ELN: variants seen among roughly 807,000 people sequenced by gnomAD.
The protein encoded by ELN is tropoelastin.
Under a neutral mutation model 105.8 loss-of-function variants are expected in ELN, and 65 were observed. That is an observed-to-expected ratio of 0.61 (90% CI 0.50 to 0.75). ELN has a LOEUF of 0.75. ELN is among the 30% of genes least tolerant of loss of function. ELN has a pLI of 0.00. For missense variants in ELN, 882 were observed against 969.4 expected (o/e 0.91, Z 1.20); for synonymous variants, 368 against 389.2 (o/e 0.95, Z 0.64).
At chr7:74,061,722 C>T (rs1796719259) in intron 26 of ELN, among the ~76,000 whole-genome samples, 1 of 152,136 alleles carries the variant, frequency 6.6e-6, no homozygotes, top group South Asian at 2.1e-4. Context: ...AAAAACCTGG[C>T]CCCTGCCCAC....
chr7:74,029,307 AGTGGATCCT>A (rs1788135690), intron 1 of ELN, among the ~76,000 whole-genome samples: 1 of 152,032 alleles, frequency 6.6e-6, no homozygotes, highest in African/African-American at 2.4e-5. Context: ...CAGAGGCTGG[AGTGGATCCT>A]GGGGCACTGC....
At chr7:74,034,743 G>A (rs939679620) in intron 1 of ELN, among the ~76,000 whole-genome samples, 4 of 151,752 alleles carry the variant, frequency 2.6e-5, no homozygotes, top group Non-Finnish European at 4.4e-5. Flanking sequence ...TCCAGGCCCC[G>A]TCTCTTTCCA....
intron 4 of ELN, 62 bp downstream of exon 4, chr7:74,037,801 C>T (rs1300274514): frequency 3.8e-6 from 6 of 1,588,522 alleles, no homozygotes; most frequent in Non-Finnish European, 5.1e-6. Flanking sequence ...GAGGAGCCTA[C>T]CCAGCTGGGA....
chr7:74,067,944 A>G (rs1338705185), intron 32 of ELN, among the ~76,000 whole-genome samples: 1 of 149,444 alleles, frequency 6.7e-6, no homozygotes, highest in Non-Finnish European at 1.5e-5. Flanking sequence ...AAAAAAAAAA[A>G]AAAAAAAAAA....
At chr7:74,028,762 C>T (rs1788008590) in intron 1 of ELN, among the ~76,000 whole-genome samples, 1 of 152,204 alleles carries the variant, frequency 6.6e-6, no homozygotes, top group Non-Finnish European at 1.5e-5. Flanking sequence ...CGGGATCCCC[C>T]CGTCAGGAAG....
At chr7:74,047,576 C>G in intron 12 of ELN, 99 bp from the exon 13 acceptor site, 1 of 1,552,802 alleles carries the variant, frequency 6.4e-7, no homozygotes. Context: ...TGGGAGGTCT[C>G]AAGCTTTAGC....
chr7:74,063,808 A>T lies in ELN; in HGVS notation c.1993+113A>T, dbSNP rs187339976. Reference sequence around the variant, plus strand: ...TCCCACCCCTGGCACGTCTTTGCTCAAGATGTCCTCTTGGCCAGGTGCGGT... The same window carrying T: ...TCCCACCCCTGGCACGTCTTTGCTCTAGATGTCCTCTTGGCCAGGTGCGGT... On this transcript the variant is annotated intron_variant, in intron 29 of 32. Coordinates refer to ENST00000252034, the MANE Select transcript of ELN (RefSeq NM_000501.4). The surrounding 1 kb of genome is among the most constrained non-coding windows in gnomAD (Gnocchi z 4.1). 337 of 1,462,626 alleles carry T rather than the reference A, an allele frequency of 2.3e-4. 2 individuals carry two copies. The African/African-American group carries it at 4.3e-3, about 18-fold the overall frequency. The allele number at this position is 1,462,626 out of a possible 1,614,324, so 90.6% of individuals were successfully genotyped here.
intron 8 of ELN, 108 bp downstream of exon 8, chr7:74,043,276 C>A: frequency 1.3e-6 from 2 of 1,488,888 alleles, no homozygotes; most frequent in Non-Finnish European, 1.8e-6. Context: ...AAGGGCAGGG[C>A]CTGGCTTCAG....
In ELN at chr7:74,060,177, C is replaced by T; in HGVS notation, c.1614C>T (p.Ala538=). The change falls in exon 24 of 33, where the codon GCC becomes GCT. Residue 538 remains alanine, a synonymous_variant. Coordinates refer to ENST00000252034, the MANE Select transcript of ELN (RefSeq NM_000501.4). The stretch of plus-strand genomic sequence containing the variant: ...CCGCTGCCAAGGTGGCTGCCAAAGC[C>T]CAGCTCCGTGAGTGCCTCGCCCACC... The part of the protein sequence containing the change: ...AKSAAKVAAK[A]QLRAAAGLGA... 1 of 1,614,112 alleles carries T rather than the reference C, an allele frequency of 6.2e-7. No homozygotes were observed. The highest frequency in any genetic ancestry group is 8.5e-7 in the Non-Finnish European group (1 of 1,180,040).
chr7:74,046,242 C>A lies in ELN; in HGVS notation c.571+25C>A, dbSNP rs201568523. 1.6e-3 allele frequency: 2,620 copies of A among 1,614,116 alleles called. 17 individuals carry two copies. Among genetic ancestry groups the A allele is most frequent in the Middle Eastern group, 8.9e-3 (54 of 6,044 alleles). Reference sequence around the variant, plus strand: ...GGTGAGGCAAGGCTGGTGGGAGAAGCAGGGTGGCCAGCCAGGCAGAGGCTC... The same window carrying A: ...GGTGAGGCAAGGCTGGTGGGAGAAGAAGGGTGGCCAGCCAGGCAGAGGCTC... On this transcript the variant is annotated intron_variant, in intron 11 of 32. Coordinates refer to ENST00000252034, the MANE Select transcript of ELN (RefSeq NM_000501.4).
At chr7:74,065,557 T>A in intron 29 of ELN, 137 bp from the exon 30 acceptor site, 1 of 1,011,004 alleles carries the variant, frequency 9.9e-7, no homozygotes. Flanking sequence ...GAGGTTGCAG[T>A]GAGCCGGGAT....
intron 26 of ELN, among the ~76,000 whole-genome samples, chr7:74,061,991 G>A (rs1265305252): frequency 2.6e-5 from 4 of 152,204 alleles, no homozygotes; most frequent in African/African-American, 9.6e-5. Flanking sequence ...CCGCCTTCCT[G>A]TCCTGCCAGC....
At chr7:74,036,656 A>C in intron 3 of ELN, 72 bp downstream of exon 3, 1 of 1,607,670 alleles carries the variant, frequency 6.2e-7, no homozygotes, top group Non-Finnish European at 8.5e-7. Flanking sequence ...GCATCCTCAG[A>C]CCTGAGAACC....
chr7:74,041,292 C>A lies in ELN; in HGVS notation c.232+41C>A, dbSNP rs782071810. ...CAAGAAAGATATCCCCTGTGGGGAC[C>A]AGCCCCTGAGCTCAACCCAGGGCTG... On this transcript the variant is annotated intron_variant, in intron 5 of 32. Transcript: ENST00000252034. The A allele has an allele frequency of 2.0e-5, 33 of 1,613,106 alleles. No homozygotes were observed. The South Asian group carries it at 3.4e-4, about 17-fold the overall frequency.
intron 22 of ELN, among the ~76,000 whole-genome samples, chr7:74,058,775 A>G (rs1229186608): frequency 6.6e-6 from 1 of 152,170 alleles, no homozygotes; most frequent in African/African-American, 2.4e-5. Flanking sequence ...GCTCAACTGT[A>G]TGTCAGGCCC....
chr7:74,067,202 C>T (rs1485719825), intron 32 of ELN, among the ~76,000 whole-genome samples: 5 of 151,818 alleles, frequency 3.3e-5, no homozygotes, highest in East Asian at 2.0e-4. Context: ...AGGTGGATCA[C>T]GAGGTCAGGA....
Position 74,045,311 on chromosome 7 carries a change from C to A in ELN, c.541+18C>A. On this transcript the variant is annotated intron_variant, in intron 10 of 32. Coordinates refer to ENST00000252034, the MANE Select transcript of ELN (RefSeq NM_000501.4). Reference sequence around the variant, plus strand: ...GGCTCCAGGTATGCAGCTGTCTGGACAGAGGGCTGATGGCAGGGACTCTCC... The same window carrying A: ...GGCTCCAGGTATGCAGCTGTCTGGAAAGAGGGCTGATGGCAGGGACTCTCC... The A allele has an allele frequency of 6.2e-7, 1 of 1,613,728 alleles. No individual in the cohort carries two copies. Among genetic ancestry groups the A allele is most frequent in the Non-Finnish European group, 8.5e-7 (1 of 1,179,944 alleles).
rs782659644 is a variant in ELN, at chr7:74,056,281, C to T, written c.1161C>T (p.Pro387=). The T allele has an allele frequency of 9.3e-6, 15 of 1,614,016 alleles. No individual in the cohort carries two copies. In the South Asian group the frequency reaches 9.9e-5, roughly 11 times the overall value. The stretch of plus-strand genomic sequence containing the variant: ...CCCTTCCCTCTGCAGGGGCCAGGCC[C>T]GGAGTCGGAGTTGGAGGCATTCCTA... ...AAKAAKYGAR[P]GVGVGGIPTY... is the part of the protein sequence containing the mutation. The change falls in exon 20 of 33, where the codon CCC becomes CCT. Residue 387 remains proline (P), a synonymous_variant. Coordinates refer to ENST00000252034, the MANE Select transcript of ELN (RefSeq NM_000501.4).
intron 5 of ELN, 64 bp downstream of exon 5, chr7:74,041,315 C>T: frequency 6.2e-7 from 1 of 1,600,956 alleles, no homozygotes; most frequent in African/African-American, 1.3e-5. Context: ...CAACCCAGGG[C>T]TGGTATGCAG....
Sources: gnomAD v4.1 joint callset for allele counts (sites outside exome capture counted in the v4.1 genomes callset) on GRCh38, gnomAD v4.1.1 for gene constraint, Gnocchi (gnomAD v3.1) non-coding constraint, MANE v1.5 for transcripts, NCBI Gene and HGNC (gene_info 2026-07-23, HGNC 2026-07-21) for gene names.